ACOT1: variants seen among roughly 807,000 people sequenced by gnomAD.
ACOT1 encodes the protein acyl-coenzyme A thioesterase 1.
ACOT1 carries 8 observed loss-of-function variants against 15.7 expected under a neutral mutation model. The observed-to-expected ratio is 0.51, with a 90% confidence interval of 0.30 to 0.92. The LOEUF (loss-of-function observed/expected upper bound fraction) is 0.92. Ranked by LOEUF, ACOT1 falls within the 40% of genes least tolerant of loss-of-function variation. The pLI is 0.06. For synonymous variants in ACOT1, 67 were observed against 241.2 expected (o/e 0.28, Z 6.69); for missense variants, 151 against 539.4 (o/e 0.28, Z 7.13).
At chr14:73,495,543 A>T in the ACOT1 span, among the ~76,000 whole-genome samples, 2 of 152,076 alleles carry the variant, frequency 1.3e-5, no homozygotes, top group East Asian at 1.9e-4. Flanking sequence ...TGATCATGCC[A>T]CTGCACTCCA....
the ACOT1 span, among the ~76,000 whole-genome samples, chr14:73,496,882 G>A: frequency 6.6e-6 from 1 of 151,998 alleles, no homozygotes; most frequent in East Asian, 1.9e-4. Flanking sequence ...ATATTTGTGG[G>A]TTTTTTGTTT....
chr14:73,541,468 G>A, intron 1 of ACOT1, 25 bp from the exon 2 acceptor site: 1 of 1,242,034 alleles, frequency 8.1e-7, no homozygotes, highest in South Asian at 1.4e-5. Context: ...GCTTAGTTTT[G>A]CATTTTGTTT....
chr14:73,497,522 T>C, the ACOT1 span, among the ~76,000 whole-genome samples: 1 of 152,240 alleles, frequency 6.6e-6, no homozygotes, highest in African/African-American at 2.4e-5. Context: ...ACATAGCTAT[T>C]GCATGCCAGA....
chr14:73,505,673 G>A, the ACOT1 span, among the ~76,000 whole-genome samples: 1 of 151,972 alleles, frequency 6.6e-6, no homozygotes, highest in Admixed American at 6.6e-5. Context: ...CATTACAGGT[G>A]TGAGCCACCG....
At chr14:73,513,748 A>G in the ACOT1 span, among the ~76,000 whole-genome samples, 1 of 149,952 alleles carries the variant, frequency 6.7e-6, no homozygotes, top group East Asian at 1.9e-4. Flanking sequence ...AAAAAAAAAA[A>G]AAAAAAAAAT....
At chr14:73,529,998 C>CT in the ACOT1 span, among the ~76,000 whole-genome samples, 3,943 of 140,472 alleles carry the variant, frequency 0.028, 6 homozygotes, top group African/African-American at 0.097. Context: ...GGGCCTCACT[C>CT]TGTCACCCAA....
the ACOT1 span, chr14:73,491,474 C>T: frequency 4.0e-6 from 6 of 1,491,946 alleles, no homozygotes; most frequent in Non-Finnish European, 5.3e-6. Flanking sequence ...GTGCACCGCG[C>T]AACACTTAGC....
rs775151108 is a variant in ACOT1, at chr14:73,537,827, C to A, written c.406C>A (p.Arg136Ser). 27 of 1,206,988 alleles carry A rather than the reference C, an allele frequency of 2.2e-5. 9 individuals are homozygous for A. Among genetic ancestry groups the A allele is most frequent in the Non-Finnish European group, 2.3e-5 (21 of 922,402 alleles). The allele number at this position is 1,206,988 out of a possible 1,614,324, so 74.8% of individuals were successfully genotyped here. Residue 136 changes from arginine to serine, a missense_variant, in exon 1 of 3, where the codon CGC becomes AGC. By Grantham distance (110) the Arg-to-Ser change is moderately radical. Transcript: ENST00000311148. The stretch of plus-strand genomic sequence containing the variant: ...CTACTTCCTCCCGCCCGGGGTGCGG[C>A]GCGAGCCGGTGCGCGCGGGCCGGGT... ...ERYFLPPGVR[R>S]EPVRAGRVRG...
the ACOT1 span, among the ~76,000 whole-genome samples, chr14:73,514,992 T>C: frequency 6.6e-6 from 1 of 150,946 alleles, no homozygotes; most frequent in East Asian, 1.9e-4. Context: ...CACTTGAACC[T>C]GAGAGGCGGA....
chr14:73,521,194 C>T, the ACOT1 span, among the ~76,000 whole-genome samples: 2 of 152,060 alleles, frequency 1.3e-5, no homozygotes, highest in African/African-American at 2.4e-5. Context: ...TAGCCTTGTC[C>T]CCATGGTGCC....
At chr14:73,538,078 C>A (rs1400556500) in intron 1 of ACOT1, among the ~76,000 whole-genome samples, 200 bp downstream of exon 1, 1 of 113,762 alleles carries the variant, frequency 8.8e-6, no homozygotes, top group Non-Finnish European at 1.9e-5. Context: ...CCTCCCGCCT[C>A]TGCCTCCCCA....
At chr14:73,490,951 T>C in the ACOT1 span, 1 of 1,285,030 alleles carries the variant, frequency 7.8e-7, no homozygotes, top group Non-Finnish European at 9.9e-7. Flanking sequence ...CCGCAGCCGC[T>C]GCATTCAGGA....
Position 73,537,590 on chromosome 14 carries a change from C to G in ACOT1, c.169C>G (p.Leu57Val), listed in dbSNP as rs1237681430. ...CCACGCGCGCTACCGCGCCGACACC[C>G]TTGGCGAGCTGGACCTGGAGCGCGC... ...QAHARYRADT[L>V]GELDLERAPA... Residue 57 changes from leucine (L) to valine (V), a missense_variant, in exon 1 of 3, where the codon CTT becomes GTT. Physicochemically the swap from Leu to Val is conservative, Grantham distance 32. Transcript: ENST00000311148. 4.1e-6 allele frequency: 5 copies of G among 1,223,418 alleles called. No individual in the cohort carries two copies. The African/African-American group carries it at 7.8e-5, about 19-fold the overall frequency. 75.8% of individuals were successfully genotyped at this position (1,223,418 alleles called of 1,614,324 possible).
At chr14:73,509,561 C>T in the ACOT1 span, 1 of 1,364,512 alleles carries the variant, frequency 7.3e-7, no homozygotes, top group Non-Finnish European at 1.0e-6. Flanking sequence ...TGGTGGCCAA[C>T]CTCAGTCCCA....
the ACOT1 span, among the ~76,000 whole-genome samples, chr14:73,503,315 A>G: frequency 6.6e-6 from 1 of 152,222 alleles, no homozygotes; most frequent in African/African-American, 2.4e-5. Flanking sequence ...CAGTGCCAAC[A>G]TAACTTGTAC....
chr14:73,492,313 A>G, the ACOT1 span: 1 of 1,614,040 alleles, frequency 6.2e-7, no homozygotes, highest in Non-Finnish European at 8.5e-7. The surrounding 1 kb of genome is among the most constrained non-coding windows in gnomAD (Gnocchi z 4.9). Context: ...GTGACTTCTT[A>G]GAGGCCATAC....
the ACOT1 span, among the ~76,000 whole-genome samples, chr14:73,524,310 A>AAAAAAAATATATAT: frequency 1.3e-4 from 7 of 54,778 alleles, no homozygotes; most frequent in African/African-American, 5.3e-4. Flanking sequence ...AAAAAAAAAA[A>AAAAAAAATATATAT]ATATATATAT....
chr14:73,537,892 G>T lies in ACOT1; in HGVS notation c.457+14G>T. ...TCCTGCCGCCAGGTGACTCACCTCCGCTAATTGTTCCCCTCTGCCCATCCC... is the reference window on the plus strand; with the variant it reads ...TCCTGCCGCCAGGTGACTCACCTCCTCTAATTGTTCCCCTCTGCCCATCCC... On this transcript the variant is annotated intron_variant, in intron 1 of 2. Transcript: ENST00000311148. 1.7e-6 allele frequency: 2 copies of T among 1,180,348 alleles called. No individual in the cohort carries two copies. The highest frequency in any genetic ancestry group is 2.2e-6 in the Non-Finnish European group (2 of 911,344). The allele number at this position is 1,180,348 out of a possible 1,614,324, so 73.1% of individuals were successfully genotyped here. A position where few individuals can be genotyped will look rare whatever the true frequency, so the allele number is the denominator to read the frequency against.
chr14:73,513,213 C>G, the ACOT1 span, among the ~76,000 whole-genome samples: 3 of 152,226 alleles, frequency 2.0e-5, no homozygotes, highest in Admixed American at 1.3e-4. Flanking sequence ...AATCCCAGCA[C>G]TTTGGGAGGC....
Sources: allele counts gnomAD v4.1 joint callset (sites outside exome capture counted in the v4.1 genomes callset), GRCh38; gene constraint gnomAD v4.1.1; non-coding constraint Gnocchi (gnomAD v3.1); transcripts MANE v1.5; gene names NCBI Gene and HGNC (gene_info 2026-07-23, HGNC 2026-07-21).